The following PCCA variants were observed in gnomAD, a reference collection of about 807,000 sequenced individuals.
PCCA encodes the protein propionyl-CoA carboxylase subunit alpha.
In PCCA, 74 loss-of-function variants were observed where a neutral mutation model predicts 101.3. The ratio of observed to expected loss-of-function variants is 0.73; its 90% CI spans 0.61 to 0.89. The LOEUF is 0.89. Ranked by LOEUF, PCCA falls within the 40% of genes least tolerant of loss-of-function variation. The pLI is 0.00. For synonymous variants in PCCA, 294 were observed against 313.6 expected (o/e 0.94, Z 0.66); for missense variants, 891 against 907.0 (o/e 0.98, Z 0.23).
At chr13:100,487,590 A>C (rs1017443795) in intron 21 of PCCA, among the ~76,000 whole-genome samples, 1 of 152,236 alleles carries the variant, frequency 6.6e-6, no homozygotes, top group Non-Finnish European at 1.5e-5. Context: ...TGAATCTCCA[A>C]GATGGAATAT....
intron 18 of PCCA, among the ~76,000 whole-genome samples, chr13:100,367,932 C>T (rs774470128): frequency 2.6e-5 from 4 of 151,030 alleles, no homozygotes; most frequent in Admixed American, 6.6e-5. Context: ...CACTCCAGCC[C>T]GGGCGACAGT....
At chr13:100,200,498 G>T (rs913992204) in intron 6 of PCCA, among the ~76,000 whole-genome samples, 6 of 152,018 alleles carry the variant, frequency 3.9e-5, no homozygotes, top group African/African-American at 1.4e-4. Context: ...CATGGTCATT[G>T]CTACTGATTG....
intron 9 of PCCA, among the ~76,000 whole-genome samples, chr13:100,261,982 G>T (rs2062554276): frequency 6.6e-6 from 1 of 151,996 alleles, no homozygotes; most frequent in South Asian, 2.1e-4. Context: ...ATTTTTCTTT[G>T]CATCTTCTGA....
intron 4 of PCCA, among the ~76,000 whole-genome samples, chr13:100,147,100 T>C (rs1447559615): frequency 6.6e-6 from 1 of 151,664 alleles, no homozygotes; most frequent in Non-Finnish European, 1.5e-5. Flanking sequence ...AAACATGAAA[T>C]AAAACTCTGC....
intron 19 of PCCA, among the ~76,000 whole-genome samples, chr13:100,377,253 T>C (rs1428473410): frequency 1.3e-5 from 2 of 152,312 alleles, no homozygotes; most frequent in African/African-American, 4.8e-5. Flanking sequence ...CTGTTCCTGT[T>C]TGGCCATCTT....
At chr13:100,271,426 CTCTGAG>C (rs2063307746) in intron 11 of PCCA, among the ~76,000 whole-genome samples, 1 of 151,684 alleles carries the variant, frequency 6.6e-6, no homozygotes, top group Non-Finnish European at 1.5e-5. Flanking sequence ...ATATTCAAGG[CTCTGAG>C]TCTAACTAGC....
At chr13:100,450,287 G>A (rs1450134991) in intron 21 of PCCA, among the ~76,000 whole-genome samples, 1 of 152,042 alleles carries the variant, frequency 6.6e-6, no homozygotes, top group Non-Finnish European at 1.5e-5. Context: ...AGGAGGCTGA[G>A]GGAGGCTGAG....
chr13:100,190,148 GATTA>G (rs1383976456), intron 6 of PCCA, among the ~76,000 whole-genome samples: 1 of 152,132 alleles, frequency 6.6e-6, no homozygotes, highest in Non-Finnish European at 1.5e-5. Context: ...ACTGTTTTCT[GATTA>G]ATAAGGTGGG....
chr13:100,394,985 C>T lies in PCCA; in HGVS notation c.1746+26411C>T, dbSNP rs2076976687. Among the ~76,000 whole-genome samples the T allele has an allele frequency of 6.6e-6, 1 of 152,104 alleles. No homozygotes were observed. Reference sequence around the variant, plus strand: ...TTGTGATCTCTCCCAGAATCCCGTTCATGCATTGTGTTTAGGATGAAATGC... The same window carrying T: ...TTGTGATCTCTCCCAGAATCCCGTTTATGCATTGTGTTTAGGATGAAATGC... On this transcript the variant is annotated intron_variant, in intron 19 of 23. Transcript: ENST00000376285. The surrounding 1 kb of genome is among the most constrained non-coding windows in gnomAD (Gnocchi z 4.3).
intron 6 of PCCA, among the ~76,000 whole-genome samples, chr13:100,198,690 G>T (rs1352662465): frequency 1.3e-5 from 2 of 151,836 alleles, no homozygotes; most frequent in Non-Finnish European, 2.9e-5. Context: ...GTAGAGACGG[G>T]GTTTCACCAT....
At chr13:100,415,558 T>C (rs1463263968) in intron 19 of PCCA, among the ~76,000 whole-genome samples, 1 of 152,210 alleles carries the variant, frequency 6.6e-6, no homozygotes, top group Non-Finnish European at 1.5e-5. Context: ...AACAAATCGG[T>C]TTTTTATCCT....
At position 100,401,135 on chromosome 13, in the gene PCCA, TC is replaced by T. The variant is rs150136214; in HGVS notation, c.1747-24495del. 7.5e-3 allele frequency among the ~76,000 whole-genome samples: 1,138 copies of T among 152,312 alleles called. 14 individuals are homozygous for T. The highest frequency in any genetic ancestry group is 0.026 in the African/African-American group (1,078 of 41,558). ...TATCCCGAGAATTGACTTGACGTGT[TC>T]CCTTTTTTATTTCAAAGTAGCATTG... On this transcript the variant is annotated intron_variant, in intron 19 of 23. Transcript: ENST00000376285.
At chr13:100,242,668 T>C (rs1043863367) in intron 8 of PCCA, among the ~76,000 whole-genome samples, 2 of 152,114 alleles carry the variant, frequency 1.3e-5, no homozygotes, top group African/African-American at 4.8e-5. Flanking sequence ...AAAGAAAATA[T>C]AATAACAAAC....
At chr13:100,127,316 C>T (rs570046627) in intron 4 of PCCA, among the ~76,000 whole-genome samples, 4 of 151,918 alleles carry the variant, frequency 2.6e-5, no homozygotes, top group African/African-American at 9.7e-5. Flanking sequence ...TTAAGACTTT[C>T]TGAATTTTTT....
At chr13:100,185,547 A>G (rs549665528) in intron 6 of PCCA, among the ~76,000 whole-genome samples, 3 of 151,898 alleles carry the variant, frequency 2.0e-5, no homozygotes, top group South Asian at 4.2e-4. Flanking sequence ...AGGTCTCACC[A>G]TGTTGCCCAG....
At chr13:100,215,158 C>T (rs1278235524) in intron 7 of PCCA, among the ~76,000 whole-genome samples, 2 of 152,200 alleles carry the variant, frequency 1.3e-5, no homozygotes. Flanking sequence ...GTAAATTCCT[C>T]ACATAGGCAT....
intron 4 of PCCA, among the ~76,000 whole-genome samples, chr13:100,144,450 G>C (rs760376152): frequency 6.6e-6 from 1 of 152,134 alleles, no homozygotes; most frequent in Non-Finnish European, 1.5e-5. Context: ...AGGAATGGCT[G>C]TAGTAATTTA....
chr13:100,207,981 G>GCA (rs2058969561), intron 6 of PCCA, among the ~76,000 whole-genome samples: 1 of 151,978 alleles, frequency 6.6e-6, no homozygotes, highest in Admixed American at 6.6e-5. Flanking sequence ...TTGTGCCATT[G>GCA]CACTCCAGCC....
chr13:100,179,091 A>T (rs9513738), intron 6 of PCCA, among the ~76,000 whole-genome samples: 18,098 of 109,888 alleles, frequency 0.16, 1,553 homozygotes, highest in Middle Eastern at 0.21. Context: ...AAAAAAAAAA[A>T]ATATATATAT....
Sources: gnomAD v4.1 joint callset for allele counts (sites outside exome capture counted in the v4.1 genomes callset) on GRCh38, gnomAD v4.1.1 for gene constraint, Gnocchi (gnomAD v3.1) non-coding constraint, MANE v1.5 for transcripts, NCBI Gene and HGNC (gene_info 2026-07-23, HGNC 2026-07-21) for gene names.